KCNT2: variants seen among roughly 807,000 people sequenced by gnomAD.
KCNT2 encodes the protein potassium sodium-activated channel subfamily T member 2.
A neutral mutation model predicts 153.8 loss-of-function variants in KCNT2; 67 were observed. That is an observed-to-expected ratio of 0.44 (90% confidence interval 0.36 to 0.53). KCNT2 has a LOEUF of 0.53. Among genes scored for constraint, KCNT2 ranks in the 20% least tolerant of loss-of-function variants. The pLI is 0.00. For synonymous variants in KCNT2, 500 were observed against 458.8 expected, an observed-to-expected ratio of 1.09 and a Z score of -1.15; for missense variants, 975 against 1,354.8, an observed-to-expected ratio of 0.72 and a Z score of 4.40.
rs920810389 is a variant in KCNT2, at chr1:196,448,069, T to C, written c.638+17224A>G. On this transcript the variant is annotated intron_variant, in intron 8 of 27. Transcript: ENST00000294725. ...AAACACCATAATTTTCACCACAACA[T>C]GTCATCCCCTGAAAAAAGAATTGCT... Among the ~76,000 whole-genome samples, 5 of 151,642 alleles carry C rather than the reference T, an allele frequency of 3.3e-5. No homozygotes were observed. The East Asian group carries it at 5.8e-4, about 18-fold the overall frequency.
intron 1 of KCNT2, among the ~76,000 whole-genome samples, chr1:196,527,120 G>A (rs1440424320): frequency 2.0e-5 from 3 of 152,122 alleles, no homozygotes; most frequent in African/African-American, 7.2e-5. Context: ...TGCCCCCACT[G>A]GTCTATGGGA....
Position 196,607,734 on chromosome 1 carries a change from T to C in KCNT2, c.95+481A>G, listed in dbSNP as rs187787875. Among the ~76,000 whole-genome samples, 56 of 152,314 alleles carry C rather than the reference T, an allele frequency of 3.7e-4. No homozygotes were observed. In the Middle Eastern group the frequency reaches 0.01, roughly 28 times the overall value. ...CATAAAATTTCCAGTGCCAAGTAGATACCTACTCAAGACAACACAGACAAG... is the reference window on the plus strand; with the variant it reads ...CATAAAATTTCCAGTGCCAAGTAGACACCTACTCAAGACAACACAGACAAG... On this transcript the variant is annotated intron_variant, in intron 1 of 27. Coordinates refer to ENST00000294725, the MANE Select transcript of KCNT2 (RefSeq NM_198503.5).
At chr1:196,563,783 A>G (rs1411248648) in intron 1 of KCNT2, among the ~76,000 whole-genome samples, 2 of 151,976 alleles carry the variant, frequency 1.3e-5, no homozygotes, top group Non-Finnish European at 2.9e-5. Flanking sequence ...ACCTCAATAC[A>G]TACAGAAAAA....
chr1:196,567,237 T>C (rs900704683), intron 1 of KCNT2, among the ~76,000 whole-genome samples: 2 of 152,068 alleles, frequency 1.3e-5, no homozygotes, highest in Non-Finnish European at 2.9e-5. Context: ...CACTAGACTA[T>C]GTAGCATTTC....
At chr1:196,454,653 A>G (rs1263686135) in intron 8 of KCNT2, among the ~76,000 whole-genome samples, 1 of 151,900 alleles carries the variant, frequency 6.6e-6, no homozygotes, top group African/African-American at 2.4e-5. Context: ...TCTCTTGAGT[A>G]TATACCCAGT....
intron 26 of KCNT2, among the ~76,000 whole-genome samples, chr1:196,249,268 C>T (rs566073555): frequency 6.6e-5 from 10 of 152,162 alleles, no homozygotes; most frequent in African/African-American, 2.4e-4. Context: ...CTTTCAACGA[C>T]ATCATTCAAC....
intron 22 of KCNT2, among the ~76,000 whole-genome samples, chr1:196,297,768 C>A (rs1034394055): frequency 2.6e-5 from 4 of 152,090 alleles, no homozygotes; most frequent in East Asian, 1.9e-4. Flanking sequence ...CTCAGCTGTT[C>A]CAGAACCTAG....
chr1:196,443,725 A>G (rs909447450), intron 8 of KCNT2, among the ~76,000 whole-genome samples: 1 of 151,566 alleles, frequency 6.6e-6, no homozygotes, highest in Admixed American at 6.6e-5. Flanking sequence ...AGAGGCAAAC[A>G]AACAATATTT....
chr1:196,508,444 T>C (rs932749373), intron 1 of KCNT2, among the ~76,000 whole-genome samples: 16 of 152,104 alleles, frequency 1.1e-4, no homozygotes, highest in Non-Finnish European at 2.2e-4. Context: ...ATAACTTCAC[T>C]AATGGGCTCA....
At chr1:196,229,264 T>G (rs940359720) in intron 27 of KCNT2, among the ~76,000 whole-genome samples, 3 of 152,100 alleles carry the variant, frequency 2.0e-5, no homozygotes, top group Non-Finnish European at 2.9e-5. Context: ...ATTTGGTAAC[T>G]TGAACTTTTT....
chr1:196,281,403 T>C (rs568421569), intron 24 of KCNT2, among the ~76,000 whole-genome samples: 7 of 152,318 alleles, frequency 4.6e-5, no homozygotes, highest in Non-Finnish European at 4.4e-5. Context: ...CTGCAATAAC[T>C]GGAGGCTGAC....
At chr1:196,384,620 T>G (rs951429727) in intron 13 of KCNT2, among the ~76,000 whole-genome samples, 2 of 150,322 alleles carry the variant, frequency 1.3e-5, no homozygotes, top group Non-Finnish European at 2.9e-5. Flanking sequence ...GGAGAATCGC[T>G]TGAACCCAGG....
intron 12 of KCNT2, among the ~76,000 whole-genome samples, chr1:196,412,706 T>C (rs992937492): frequency 1.3e-5 from 2 of 151,578 alleles, no homozygotes; most frequent in South Asian, 4.1e-4. Flanking sequence ...ATTTTGGAAA[T>C]TTTGAGTAAA....
intron 27 of KCNT2, among the ~76,000 whole-genome samples, chr1:196,229,650 A>T (rs902578420): frequency 6.6e-6 from 1 of 152,130 alleles, no homozygotes; most frequent in Non-Finnish European, 1.5e-5. Flanking sequence ...TGTGCCAGTT[A>T]GCCAAGTTGT....
chr1:196,255,357 G>T (rs1276644539), intron 26 of KCNT2, among the ~76,000 whole-genome samples: 1 of 151,682 alleles, frequency 6.6e-6, no homozygotes, highest in Non-Finnish European at 1.5e-5. Flanking sequence ...CACACGGCTT[G>T]TCCAACTTGG....
At chr1:196,359,201 G>A (rs984956645) in intron 14 of KCNT2, among the ~76,000 whole-genome samples, 1 of 151,964 alleles carries the variant, frequency 6.6e-6, no homozygotes, top group Admixed American at 6.6e-5. Context: ...TCTTTTTCTA[G>A]GCACCTTGTA....
chr1:196,366,518 G>A (rs1572184272), intron 14 of KCNT2, among the ~76,000 whole-genome samples: 1 of 152,046 alleles, frequency 6.6e-6, no homozygotes, highest in Non-Finnish European at 1.5e-5. Flanking sequence ...CAGAGTCTCT[G>A]CTTTTCCTTT....
intron 5 of KCNT2, among the ~76,000 whole-genome samples, chr1:196,472,518 T>C (rs938042164): frequency 1.3e-5 from 2 of 152,184 alleles, no homozygotes; most frequent in Non-Finnish European, 2.9e-5. Context: ...ACTTCCAATA[T>C]TGTATCAATA....
At chr1:196,456,004 A>G (rs1263580253) in intron 8 of KCNT2, among the ~76,000 whole-genome samples, 1 of 152,046 alleles carries the variant, frequency 6.6e-6, no homozygotes, top group East Asian at 1.9e-4. Flanking sequence ...AGTTTAAACA[A>G]TTATCTGGTT....
Sources: gnomAD v4.1 joint callset for allele counts (sites outside exome capture counted in the v4.1 genomes callset) on GRCh38, gnomAD v4.1.1 for gene constraint, MANE v1.5 for transcripts, NCBI Gene and HGNC (gene_info 2026-07-23, HGNC 2026-07-21) for gene names.